Variants in TRAPPC11 observed in about 807,000 individuals in gnomAD.
TRAPPC11 encodes foie gras homolog.
TRAPPC11 carries 104 observed loss-of-function variants against 151.2 expected under a neutral mutation model. The ratio of observed to expected loss-of-function variants is 0.69; its 90% CI spans 0.59 to 0.81. The LOEUF (loss-of-function observed/expected upper bound fraction) is 0.81. Among genes scored for constraint, TRAPPC11 ranks in the 30% least tolerant of loss-of-function variants. The probability of loss-of-function intolerance (pLI) is 0.00; values close to 1 mark genes in which losing one functional copy is unlikely to be tolerated. For missense variants in TRAPPC11, 1,230 were observed against 1,349.6 expected, an observed-to-expected ratio of 0.91 and a Z score of 1.39; for synonymous variants, 456 against 472.3, an observed-to-expected ratio of 0.97 and a Z score of 0.45.
Position 183,668,016 on chromosome 4 carries a change from TGCTTC to T in TRAPPC11, c.460_464del (p.Ala154ArgfsTer11). The T allele has an allele frequency of 6.2e-7, 1 of 1,609,420 alleles. No homozygotes were observed. The highest frequency in any genetic ancestry group is 8.5e-7 in the Non-Finnish European group (1 of 1,175,798). ...GATTATCAACAGGAGAAGATGTCATTGCTTCAGAAAGGGCTGCAGCTTTATGCAAT... is the reference window on the plus strand; with the variant it reads ...GATTATCAACAGGAGAAGATGTCATTAGAAAGGGCTGCAGCTTTATGCAAT... On this transcript the variant is annotated frameshift_variant, in exon 5 of 30. Transcript: ENST00000334690. LOFTEE classifies it high-confidence loss of function.
Position 183,705,044 on chromosome 4 carries a change from A to T in TRAPPC11, c.3029A>T (p.Glu1010Val), listed in dbSNP as rs773678506. The T allele has an allele frequency of 2.9e-5, 46 of 1,594,154 alleles. No individual in the cohort carries two copies. Among genetic ancestry groups the T allele is most frequent in the Non-Finnish European group, 3.6e-5 (42 of 1,166,152 alleles). ...ATCACTCTGCCGCACGTGATTGTGG[A>T]GAATATCCCTCTCCATGTGAATGCA... is the stretch of plus-strand genomic sequence containing the variant. ...TVITLPHVIV[E>V]NIPLHVNADL... The change falls in exon 27 of 30, where the codon GAG becomes GTG. Residue 1010 changes from glutamate (E) to valine (V), a missense_variant. Coordinates refer to ENST00000334690, the MANE Select transcript of TRAPPC11 (RefSeq NM_021942.6).
intron 8 of TRAPPC11, among the ~76,000 whole-genome samples, chr4:183,678,158 C>T (rs1392123474): frequency 6.6e-6 from 1 of 152,000 alleles, no homozygotes; most frequent in Non-Finnish European, 1.5e-5. Flanking sequence ...AGGATGGTTT[C>T]GATCTCTTGA....
chr4:183,672,501 G>A (rs1000132142), intron 5 of TRAPPC11, among the ~76,000 whole-genome samples: 5 of 152,146 alleles, frequency 3.3e-5, no homozygotes, highest in African/African-American at 4.8e-5. Flanking sequence ...TAGATTTGTC[G>A]TTTATTTATT....
intron 26 of TRAPPC11, 59 bp downstream of exon 26, chr4:183,701,867 T>C: frequency 9.0e-7 from 1 of 1,113,352 alleles, no homozygotes; most frequent in African/African-American, 1.5e-5. Flanking sequence ...CATACCTTTA[T>C]TATTCATCTT....
At chr4:183,659,974 G>T (rs1034683517) in intron 1 of TRAPPC11, among the ~76,000 whole-genome samples, 3 of 151,968 alleles carry the variant, frequency 2.0e-5, no homozygotes, top group Non-Finnish European at 4.4e-5. Flanking sequence ...TATCTTTCAC[G>T]CTAGTTTCCA....
intron 18 of TRAPPC11, among the ~76,000 whole-genome samples, chr4:183,687,216 C>A (rs1009826186): frequency 6.6e-6 from 1 of 151,978 alleles, no homozygotes; most frequent in Non-Finnish European, 1.5e-5. Context: ...AAACTTCTAG[C>A]AATTCAAGTT....
chr4:183,677,775 T>G (rs950944733), intron 8 of TRAPPC11, among the ~76,000 whole-genome samples: 5 of 152,132 alleles, frequency 3.3e-5, no homozygotes, highest in African/African-American at 1.2e-4. Flanking sequence ...TTTAAAAGTT[T>G]GGAGGGTTTT....
In TRAPPC11 at chr4:183,667,136, A is replaced by G. The variant is rs1294117890; in HGVS notation, c.445+6A>G. 5 of 1,600,120 alleles carry G rather than the reference A, an allele frequency of 3.1e-6. No homozygotes were observed. Among genetic ancestry groups the G allele is most frequent in the Non-Finnish European group, 4.3e-6 (5 of 1,170,500 alleles). ...GAAAACCCCTTTGCCCCCAGGTATC[A>G]GAAGTCTAATTAATGAATTAATTGT... is the stretch of plus-strand genomic sequence containing the variant. On this transcript the variant is annotated splice_donor_region_variant and intron_variant, in intron 4 of 29. Coordinates refer to ENST00000334690, the MANE Select transcript of TRAPPC11 (RefSeq NM_021942.6).
chr4:183,691,216 C>A, intron 18 of TRAPPC11, 100 bp from the exon 19 acceptor site: 1 of 921,216 alleles, frequency 1.1e-6, no homozygotes, highest in Non-Finnish European at 1.5e-6. Flanking sequence ...CTTCATAATG[C>A]TTCAGTGTTT....
At chr4:183,692,877 G>T (rs141911398) in intron 19 of TRAPPC11, 83 bp from the exon 20 acceptor site, 317 of 1,294,786 alleles carry the variant, frequency 2.4e-4, no homozygotes, top group Middle Eastern at 1.3e-3. Flanking sequence ...GGTCTTAGCA[G>T]TCGACGATGT....
At chr4:183,671,425 A>G (rs1735152259) in intron 5 of TRAPPC11, among the ~76,000 whole-genome samples, 1 of 152,182 alleles carries the variant, frequency 6.6e-6, no homozygotes, top group African/African-American at 2.4e-5. Context: ...AGAAAGGAAG[A>G]AAGGATGTAA....
chr4:183,671,628 C>T (rs1282738366), intron 5 of TRAPPC11, among the ~76,000 whole-genome samples: 2 of 152,200 alleles, frequency 1.3e-5, no homozygotes, highest in Non-Finnish European at 2.9e-5. Flanking sequence ...TTCGGGAACA[C>T]CCCTTTTAGA....
At chr4:183,706,298 T>C (rs991365319) in intron 27 of TRAPPC11, among the ~76,000 whole-genome samples, 5 of 152,098 alleles carry the variant, frequency 3.3e-5, no homozygotes, top group South Asian at 2.1e-4. Flanking sequence ...CCAAGGTGGG[T>C]GGATCACGAG....
At position 183,694,688 on chromosome 4, in the gene TRAPPC11, G is replaced by GT; in HGVS notation, c.2595dup (p.Glu866Ter). ...TGTTTCTTACCTGATAAATACAACC[G>GT]TTGAAGAAAAAGAAATTGTTTGCAA... is the stretch of plus-strand genomic sequence containing the variant. On this transcript the variant is annotated frameshift_variant, in exon 23 of 30. Coordinates refer to ENST00000334690, the MANE Select transcript of TRAPPC11 (RefSeq NM_021942.6). LOFTEE classifies it high-confidence loss of function. 6.2e-7 allele frequency: 1 copy of GT among 1,607,488 alleles called. No individual in the cohort carries two copies. The highest frequency in any genetic ancestry group is 8.5e-7 in the Non-Finnish European group (1 of 1,178,438).
chr4:183,678,186 C>G (rs1016950078), intron 8 of TRAPPC11, among the ~76,000 whole-genome samples: 2 of 152,144 alleles, frequency 1.3e-5, no homozygotes, highest in Non-Finnish European at 2.9e-5. Flanking sequence ...ATCCACCTGT[C>G]TCGGCCTCCC....
chr4:183,699,797 C>T (rs1278576651), intron 25 of TRAPPC11, among the ~76,000 whole-genome samples: 1 of 152,012 alleles, frequency 6.6e-6, no homozygotes, highest in African/African-American at 2.4e-5. Context: ...CAGCAGGTAG[C>T]ACTTCTTTGT....
intron 19 of TRAPPC11, among the ~76,000 whole-genome samples, chr4:183,691,919 A>G (rs1233081568): frequency 6.6e-6 from 1 of 152,216 alleles, no homozygotes; most frequent in African/African-American, 2.4e-5. Context: ...AGAAAAATGA[A>G]CATATATATT....
intron 5 of TRAPPC11, among the ~76,000 whole-genome samples, chr4:183,671,408 C>G (rs1356626100): frequency 6.6e-6 from 1 of 152,144 alleles, no homozygotes. Context: ...CCTGAAAAGG[C>G]TGGAGGAGAA....
At chr4:183,661,103 T>A (rs1734489364) in intron 1 of TRAPPC11, among the ~76,000 whole-genome samples, 1 of 152,034 alleles carries the variant, frequency 6.6e-6, no homozygotes, top group African/African-American at 2.4e-5. Context: ...CATAACTTAA[T>A]CCTGTCCTAA....
Sources: allele counts gnomAD v4.1 joint callset (sites outside exome capture counted in the v4.1 genomes callset), GRCh38; gene constraint gnomAD v4.1.1; transcripts MANE v1.5; gene names NCBI Gene and HGNC (gene_info 2026-07-23, HGNC 2026-07-21).